The following WWOX variants were observed in gnomAD, a reference collection of about 807,000 sequenced individuals.
WWOX encodes the protein WW domain containing oxidoreductase.
In WWOX, 69 loss-of-function variants were observed where a neutral mutation model predicts 46.2. The observed-to-expected ratio is 1.49, with a 90% CI of 1.23 to 1.82. WWOX has a LOEUF of 1.82. WWOX is among the 40% of genes most tolerant of loss of function. The pLI is 0.00. For missense variants in WWOX, 919 were observed against 542.6 expected, an observed-to-expected ratio of 1.69 and a Z score of -6.89; for synonymous variants, 359 against 202.6, an observed-to-expected ratio of 1.77 and a Z score of -6.56.
chr16:78,965,289 C>G (rs184015373), intron 8 of WWOX, among the ~76,000 whole-genome samples: 135 of 152,262 alleles, frequency 8.9e-4, no homozygotes, highest in African/African-American at 2.9e-3. Context: ...TAAAATTTGG[C>G]CAGACACGGT....
chr16:78,140,060 G>T (rs1315499272), intron 4 of WWOX, among the ~76,000 whole-genome samples: 4 of 152,192 alleles, frequency 2.6e-5, no homozygotes, highest in Non-Finnish European at 5.9e-5. Context: ...CAGAGTCAGA[G>T]AATCTCTAGG....
chr16:78,475,392 A>T (rs1346988668), intron 8 of WWOX, among the ~76,000 whole-genome samples: 6 of 152,152 alleles, frequency 3.9e-5, no homozygotes, highest in Admixed American at 3.9e-4. Flanking sequence ...CTTTTGGTAG[A>T]TGGATAAACT....
chr16:78,176,094 C>G (rs1458977021), intron 5 of WWOX, among the ~76,000 whole-genome samples: 1 of 152,198 alleles, frequency 6.6e-6, no homozygotes, highest in Non-Finnish European at 1.5e-5. Flanking sequence ...TTAGTAAGTT[C>G]TCCCTCATAT....
At chr16:78,695,590 G>T (rs1030511322) in intron 8 of WWOX, among the ~76,000 whole-genome samples, 1 of 152,176 alleles carries the variant, frequency 6.6e-6, no homozygotes, top group Non-Finnish European at 1.5e-5. Flanking sequence ...ATCAGAGAGA[G>T]CAGAGCCATG....
At chr16:78,871,565 TCTAAATC>T (rs1435851550) in intron 8 of WWOX, among the ~76,000 whole-genome samples, 1 of 152,124 alleles carries the variant, frequency 6.6e-6, no homozygotes, top group African/African-American at 2.4e-5. Context: ...GTGGTGACAA[TCTAAATC>T]CTAAATTGAG....
intron 8 of WWOX, among the ~76,000 whole-genome samples, chr16:79,042,479 T>C (rs750434388): frequency 7.9e-5 from 12 of 152,222 alleles, no homozygotes; most frequent in Admixed American, 5.9e-4. Context: ...TGTAAATTGG[T>C]CAGCCTGATC....
At chr16:79,023,288 C>T (rs569835035) in intron 8 of WWOX, among the ~76,000 whole-genome samples, 2 of 152,326 alleles carry the variant, frequency 1.3e-5, no homozygotes, top group South Asian at 4.1e-4. Flanking sequence ...CATTGCATGT[C>T]TCTGTTGAAT....
chr16:78,264,959 C>T (rs73572410), intron 5 of WWOX: 66,835 of 118,324 alleles, frequency 0.56, 18,646 homozygotes, highest in East Asian at 0.73. Context: ...CCCTCCCCTT[C>T]CCTCCCCTCC....
chr16:78,816,562 A>G (rs937054641), intron 8 of WWOX, among the ~76,000 whole-genome samples: 2 of 140,704 alleles, frequency 1.4e-5, no homozygotes, highest in Non-Finnish European at 1.5e-5. Context: ...TTTCTTCCAC[A>G]AAAGCCTGGC....
intron 8 of WWOX, among the ~76,000 whole-genome samples, chr16:78,851,335 G>C (rs985966432): frequency 2.0e-5 from 3 of 152,170 alleles, no homozygotes; most frequent in Non-Finnish European, 4.4e-5. Flanking sequence ...ATCTGAGTAG[G>C]AAGAGAGGAT....
chr16:78,656,983 G>A (rs1241842183), intron 8 of WWOX, among the ~76,000 whole-genome samples: 5 of 152,124 alleles, frequency 3.3e-5, no homozygotes, highest in Non-Finnish European at 5.9e-5. Context: ...TAGGGTCTTC[G>A]GGCACATGGT....
At chr16:78,799,947 A>T (rs990191534) in intron 8 of WWOX, among the ~76,000 whole-genome samples, 1 of 152,144 alleles carries the variant, frequency 6.6e-6, no homozygotes, top group African/African-American at 2.4e-5. Context: ...GGCACTAGTT[A>T]GGAACTTCCC....
intron 6 of WWOX, among the ~76,000 whole-genome samples, chr16:78,415,814 C>A (rs567062722): frequency 2.0e-5 from 3 of 152,102 alleles, no homozygotes; most frequent in African/African-American, 7.2e-5. Flanking sequence ...TTGATGACAA[C>A]CCCCGCCCCC....
At chr16:78,998,606 T>C (rs2047035171) in intron 8 of WWOX, among the ~76,000 whole-genome samples, 1 of 152,238 alleles carries the variant, frequency 6.6e-6, no homozygotes, top group Non-Finnish European at 1.5e-5. Flanking sequence ...AATTTCTTAG[T>C]ATATACAATA....
intron 8 of WWOX, among the ~76,000 whole-genome samples, chr16:78,512,716 A>AT (rs200134992): frequency 0.043 from 6,482 of 152,260 alleles, 197 homozygotes; most frequent in Middle Eastern, 0.065. Context: ...TAAATAATTA[A>AT]TTTTTTCACA....
At chr16:78,572,174 A>T (rs559381395) in intron 8 of WWOX, among the ~76,000 whole-genome samples, 1 of 152,326 alleles carries the variant, frequency 6.6e-6, no homozygotes, top group East Asian at 1.9e-4. Flanking sequence ...GTCCTCCAAA[A>T]GCCGTCTACA....
chr16:78,700,312 C>CAGAGAGAGAGAG (rs55638553), intron 8 of WWOX, among the ~76,000 whole-genome samples: 39 of 130,544 alleles, frequency 3.0e-4, no homozygotes, highest in African/African-American at 9.4e-4. Flanking sequence ...ACTTAGTAGA[C>CAGAGAGAGAGAG]AGAGAGAGAG....
intron 5 of WWOX, among the ~76,000 whole-genome samples, chr16:78,363,509 G>A (rs905197944): frequency 6.6e-6 from 1 of 151,988 alleles, no homozygotes; most frequent in African/African-American, 2.4e-5. Context: ...GAACTCCTGG[G>A]CTCAACTGAT....
At chr16:78,549,745 A>G (rs2044131718) in intron 8 of WWOX, among the ~76,000 whole-genome samples, 1 of 152,212 alleles carries the variant, frequency 6.6e-6, no homozygotes, top group East Asian at 1.9e-4. Flanking sequence ...GCTTAATCCT[A>G]CAGTTTAGAT....
Sources: allele counts gnomAD v4.1 joint callset (sites outside exome capture counted in the v4.1 genomes callset), GRCh38; gene constraint gnomAD v4.1.1; transcripts MANE v1.5; gene names NCBI Gene and HGNC (gene_info 2026-07-23, HGNC 2026-07-21).